GPR158: variants seen among roughly 807,000 people sequenced by gnomAD.
GPR158 encodes G protein-coupled receptor 158.
GPR158 carries 30 observed loss-of-function variants against 78.2 expected under a neutral mutation model. The ratio of observed to expected loss-of-function variants is 0.38; its 90% CI spans 0.29 to 0.52. The LOEUF is 0.52. Among genes scored for constraint, GPR158 ranks in the 20% least tolerant of loss-of-function variants. The pLI, the probability that GPR158 is intolerant of heterozygous loss-of-function variation, is 0.83. For synonymous variants in GPR158, 581 were observed against 591.1 expected (o/e 0.98, Z 0.25); for missense variants, 1,463 against 1,523.5 (o/e 0.96, Z 0.66).
Position 25,466,504 on chromosome 10 carries a change from C to T in GPR158, c.1336-147C>T, listed in dbSNP as rs377240518. 1.7e-3 allele frequency: 915 copies of T among 530,064 alleles called. 19 individuals are homozygous for T. In the South Asian group the frequency reaches 0.024, roughly 14 times the overall value. The allele number at this position is 530,064 out of a possible 1,614,324, so 32.8% of individuals were successfully genotyped here. On this transcript the variant is annotated intron_variant, in intron 4 of 10. Transcript: ENST00000376351. The stretch of plus-strand genomic sequence containing the variant: ...TTTTTGCATGTTCTAGTTTTTTACC[C>T]ACCTGAATACTAACCAATTTTCATT...
intron 2 of GPR158, among the ~76,000 whole-genome samples, chr10:25,285,268 T>TACAC (rs151075928): frequency 2.0e-5 from 3 of 151,862 alleles, no homozygotes; most frequent in African/African-American, 4.8e-5. Context: ...TCTCTCTCTC[T>TACAC]ACACACACAC....
intron 6 of GPR158, among the ~76,000 whole-genome samples, chr10:25,553,051 C>T (rs1248956506): frequency 6.6e-6 from 1 of 152,140 alleles, no homozygotes; most frequent in East Asian, 1.9e-4. Flanking sequence ...CCATAAGATT[C>T]ATCATCTTTC....
chr10:25,552,416 T>C (rs546595150), intron 6 of GPR158, among the ~76,000 whole-genome samples: 1 of 152,174 alleles, frequency 6.6e-6, no homozygotes, highest in Non-Finnish European at 1.5e-5. Context: ...ATGTGGACAA[T>C]AAGCCTTCTA....
At chr10:25,484,210 C>A (rs1835702699) in intron 5 of GPR158, among the ~76,000 whole-genome samples, 1 of 152,180 alleles carries the variant, frequency 6.6e-6, no homozygotes. Context: ...GCACACACAC[C>A]CTGCAGCCTT....
intron 2 of GPR158, among the ~76,000 whole-genome samples, chr10:25,303,795 A>G (rs1854631391): frequency 6.6e-6 from 1 of 152,224 alleles, no homozygotes; most frequent in Admixed American, 6.5e-5. Flanking sequence ...TGTAACAAAA[A>G]TAAAATGAAA....
intron 5 of GPR158, among the ~76,000 whole-genome samples, chr10:25,529,311 C>T (rs1381107387): frequency 2.0e-5 from 3 of 151,942 alleles, no homozygotes; most frequent in East Asian, 1.9e-4. Context: ...CACTTGAACT[C>T]GGGAGGCGGA....
At chr10:25,443,724 T>C (rs1024712861) in intron 4 of GPR158, among the ~76,000 whole-genome samples, 3 of 149,838 alleles carry the variant, frequency 2.0e-5, no homozygotes, top group Non-Finnish European at 4.4e-5. Flanking sequence ...TTTTCTTTGG[T>C]ACTCTAGCAA....
chr10:25,516,114 T>C (rs1588894670), intron 5 of GPR158, among the ~76,000 whole-genome samples: 1 of 152,068 alleles, frequency 6.6e-6, no homozygotes, highest in South Asian at 2.1e-4. Context: ...ATTTCTCTGA[T>C]GGCCAGTGAT....
At chr10:25,536,222 T>C (rs1479558788) in intron 5 of GPR158, among the ~76,000 whole-genome samples, 1 of 152,136 alleles carries the variant, frequency 6.6e-6, no homozygotes, top group African/African-American at 2.4e-5. Context: ...AATTCTTTAA[T>C]ATTAAAGATA....
At chr10:25,538,694 A>G (rs1159088633) in intron 5 of GPR158, among the ~76,000 whole-genome samples, 1 of 152,202 alleles carries the variant, frequency 6.6e-6, no homozygotes, top group African/African-American at 2.4e-5. Flanking sequence ...TGTTGAGCAT[A>G]ACTGCTATCA....
rs370403743 is a variant in GPR158 at position 25,277,470 on chromosome 10, AAGAGAG to A, written c.1008+56331_1008+56336del. Among the ~76,000 whole-genome samples, 328 of 149,374 alleles carry A rather than the reference AAGAGAG, an allele frequency of 2.2e-3. 1 individual carries two copies. Among genetic ancestry groups the A allele is most frequent in the African/African-American group, 3.5e-3 (143 of 40,916 alleles). ...AGCTGACTTTGGGGGAAAAAAGCAA[AAGAGAG>A]AGAGAGAGAGAGAGAGACAGAGCCC... On this transcript the variant is annotated intron_variant, in intron 2 of 10. Coordinates refer to ENST00000376351, the MANE Select transcript of GPR158 (RefSeq NM_020752.3).
rs142591517 is a variant in GPR158, at chr10:25,527,086, G to A, written c.1405-23890G>A. On this transcript the variant is annotated intron_variant, in intron 5 of 10. Transcript: ENST00000376351. ...ATGATAAAACTCAATTCATCAGGAA[G>A]CCATGACAATTCTAAACATATATGC... is the stretch of plus-strand genomic sequence containing the variant. Among the ~76,000 whole-genome samples the A allele has an allele frequency of 1.5e-3, 202 of 137,408 alleles. 3 individuals are homozygous for A. Among genetic ancestry groups the A allele is most frequent in the African/African-American group, 5.5e-3 (188 of 34,158 alleles). 90.1% of individuals were successfully genotyped at this position (137,408 alleles called of 152,430 possible).
At chr10:25,541,243 C>T (rs1304210314) in intron 5 of GPR158, among the ~76,000 whole-genome samples, 1 of 151,848 alleles carries the variant, frequency 6.6e-6, no homozygotes, top group Non-Finnish European at 1.5e-5. Flanking sequence ...CACTAAAATG[C>T]TCACTGTGTA....
At chr10:25,267,434 C>T (rs1854058209) in intron 2 of GPR158, among the ~76,000 whole-genome samples, 1 of 152,088 alleles carries the variant, frequency 6.6e-6, no homozygotes. Context: ...AAACTGCCCC[C>T]ATGATTCAGT....
chr10:25,290,857 A>G (rs1854425093), intron 2 of GPR158, among the ~76,000 whole-genome samples: 1 of 152,122 alleles, frequency 6.6e-6, no homozygotes, highest in Non-Finnish European at 1.5e-5. Context: ...ACCAAATCAA[A>G]TGTACTCTAT....
At chr10:25,184,883 T>C (rs189109232) in intron 1 of GPR158, among the ~76,000 whole-genome samples, 10 of 152,136 alleles carry the variant, frequency 6.6e-5, no homozygotes, top group Admixed American at 2.0e-4. Context: ...AAATGAAGAG[T>C]ATGATTTTCC....
intron 5 of GPR158, among the ~76,000 whole-genome samples, chr10:25,529,916 T>A (rs1836401097): frequency 6.6e-6 from 1 of 152,202 alleles, no homozygotes; most frequent in Admixed American, 6.5e-5. Flanking sequence ...CAACCAACAA[T>A]TGTTTTCATA....
At chr10:25,498,326 A>G (rs1588887970) in intron 5 of GPR158, among the ~76,000 whole-genome samples, 1 of 152,264 alleles carries the variant, frequency 6.6e-6, no homozygotes, top group African/African-American at 2.4e-5. Flanking sequence ...TTATGTTGAG[A>G]ATTTTAAGGG....
rs913142771 is a variant in GPR158 at position 25,252,142 on chromosome 10, C to T, written c.1008+30985C>T. On this transcript the variant is annotated intron_variant, in intron 2 of 10. Transcript: ENST00000376351. ...GCTTCTGCATTCTTCACATAGTTCT[C>T]GAGCCTTGGTTTTCAGCTCCATCAG... Among the ~76,000 whole-genome samples the T allele has an allele frequency of 1.6e-4, 24 of 152,000 alleles. 1 individual carries two copies. The highest frequency in any genetic ancestry group is 4.2e-4 in the South Asian group (2 of 4,786).
Sources: allele counts gnomAD v4.1 joint callset (sites outside exome capture counted in the v4.1 genomes callset), GRCh38; gene constraint gnomAD v4.1.1; transcripts MANE v1.5; gene names NCBI Gene and HGNC (gene_info 2026-07-23, HGNC 2026-07-21).